Variants in FAM110B observed in about 807,000 individuals in gnomAD.
The protein encoded by FAM110B is protein FAM110B.
A neutral mutation model predicts 20.4 loss-of-function variants in FAM110B; 6 were observed. The ratio of observed to expected loss-of-function variants is 0.29; its 90% CI spans 0.16 to 0.58. The LOEUF is 0.58. FAM110B is among the 20% of genes least tolerant of loss of function. The pLI is 0.90. For synonymous variants in FAM110B, 226 were observed against 214.1 expected, an observed-to-expected ratio of 1.06 and a Z score of -0.49; for missense variants, 434 against 498.2, an observed-to-expected ratio of 0.87 and a Z score of 1.23.
chr8:58,108,889 G>T (rs13263507), intron 3 of FAM110B, among the ~76,000 whole-genome samples: 19,393 of 152,100 alleles, frequency 0.13, 1,360 homozygotes, highest in Middle Eastern at 0.18. Context: ...CTCAACCATG[G>T]TTCCTCCTGT....
intron 1 of FAM110B, among the ~76,000 whole-genome samples, chr8:58,027,450 A>G (rs1804876263): frequency 6.6e-6 from 1 of 151,918 alleles, no homozygotes; most frequent in African/African-American, 2.4e-5. Flanking sequence ...CACTTTTGTG[A>G]GTTACAATGT....
chr8:58,131,410 C>G (rs2150634391), intron 3 of FAM110B, among the ~76,000 whole-genome samples: 1 of 152,272 alleles, frequency 6.6e-6, no homozygotes, highest in Non-Finnish European at 1.5e-5. Context: ...AGGCATGAGC[C>G]ACTGCTCCCA....
chr8:58,012,045 G>C (rs964225999), intron 1 of FAM110B, among the ~76,000 whole-genome samples: 2 of 152,154 alleles, frequency 1.3e-5, no homozygotes, highest in Non-Finnish European at 2.9e-5. Flanking sequence ...TTACTGCCTA[G>C]TGTACTCTGC....
intron 1 of FAM110B, among the ~76,000 whole-genome samples, chr8:58,020,900 A>G (rs1182112444): frequency 7.2e-6 from 1 of 139,828 alleles, no homozygotes; most frequent in Non-Finnish European, 1.5e-5. Context: ...CTCCTGATCT[A>G]GACGAGGCGT....
chr8:58,082,073 G>C (rs1208385241), intron 3 of FAM110B, among the ~76,000 whole-genome samples: 1 of 152,174 alleles, frequency 6.6e-6, no homozygotes, highest in Non-Finnish European at 1.5e-5. Context: ...TGTACAGGGA[G>C]CTGCGAGCAC....
At chr8:58,095,451 T>C (rs914689765) in intron 3 of FAM110B, among the ~76,000 whole-genome samples, 1 of 152,230 alleles carries the variant, frequency 6.6e-6, no homozygotes, top group Non-Finnish European at 1.5e-5. Context: ...TTTTTTCTCA[T>C]TGGTTTCAAA....
intron 3 of FAM110B, among the ~76,000 whole-genome samples, chr8:58,085,384 G>A (rs985734029): frequency 2.0e-5 from 3 of 152,120 alleles, no homozygotes; most frequent in African/African-American, 4.8e-5. Flanking sequence ...GTGGTGGCGG[G>A]TGCCTGTAAT....
intron 1 of FAM110B, among the ~76,000 whole-genome samples, chr8:57,995,307 G>A (rs924157275): frequency 1.3e-5 from 2 of 152,178 alleles, no homozygotes; most frequent in East Asian, 3.9e-4. Flanking sequence ...CTTTATGAGA[G>A]TATCAATACC....
intron 2 of FAM110B, among the ~76,000 whole-genome samples, chr8:58,051,241 C>T (rs1041281997): frequency 1.3e-5 from 2 of 152,080 alleles, no homozygotes; most frequent in South Asian, 2.1e-4. Flanking sequence ...AGGTTAAGAA[C>T]GTGACAAGCT....
chr8:58,047,933 C>T (rs547540031), intron 2 of FAM110B, among the ~76,000 whole-genome samples: 38 of 152,146 alleles, frequency 2.5e-4, no homozygotes, highest in Admixed American at 2.2e-3. Flanking sequence ...TAAACTTTAG[C>T]GTCTTCATCT....
chr8:58,079,791 AAAG>A (rs1301957495), intron 3 of FAM110B, among the ~76,000 whole-genome samples: 1 of 152,208 alleles, frequency 6.6e-6, no homozygotes, highest in Non-Finnish European at 1.5e-5. Flanking sequence ...TTAAAAAAAA[AAAG>A]AGTAATTTGA....
intron 3 of FAM110B, among the ~76,000 whole-genome samples, chr8:58,098,106 A>G (rs918572770): frequency 6.6e-6 from 1 of 152,254 alleles, no homozygotes; most frequent in Non-Finnish European, 1.5e-5. Flanking sequence ...CAGAGCCAGC[A>G]GGCAGGAATG....
chr8:58,133,997 A>G (rs2150636497), intron 3 of FAM110B, among the ~76,000 whole-genome samples: 1 of 152,376 alleles, frequency 6.6e-6, no homozygotes, highest in Non-Finnish European at 1.5e-5. Flanking sequence ...AAATGATTTT[A>G]TGTAAGACAC....
At chr8:58,014,114 T>C (rs1023713605) in intron 1 of FAM110B, among the ~76,000 whole-genome samples, 2 of 152,130 alleles carry the variant, frequency 1.3e-5, no homozygotes, top group African/African-American at 2.4e-5. Context: ...GCGTAACCCA[T>C]GTCAGTTCTT....
intron 2 of FAM110B, among the ~76,000 whole-genome samples, chr8:58,056,612 G>A (rs1805551670): frequency 6.6e-6 from 1 of 152,160 alleles, no homozygotes; most frequent in African/African-American, 2.4e-5. Flanking sequence ...CAAACATGAA[G>A]GTTGGATTTG....
At chr8:58,023,294 TG>T (rs1804791662) in intron 1 of FAM110B, among the ~76,000 whole-genome samples, 1 of 152,196 alleles carries the variant, frequency 6.6e-6, no homozygotes, top group South Asian at 2.1e-4. Context: ...TTTAGGTTTT[TG>T]TGAGTTCCTT....
intron 1 of FAM110B, among the ~76,000 whole-genome samples, chr8:58,015,556 G>A (rs1804621161): frequency 6.6e-6 from 1 of 151,810 alleles, no homozygotes; most frequent in African/African-American, 2.4e-5. Context: ...TCTTGAAAAG[G>A]CATGAGGGGC....
rs910976985 is a variant in FAM110B, at chr8:58,146,229, C to T, written c.-2C>T. ...ACGGCTGCCGGGGAAAGACCGCCCA[C>T]CATGCCCACGGAGACCCTACAGACA... On this transcript the variant is annotated 5_prime_UTR_variant, in exon 4 of 4. Transcript: ENST00000519262. 1 of 1,588,890 alleles carries T rather than the reference C, an allele frequency of 6.3e-7. No individual in the cohort carries two copies. Among genetic ancestry groups the T allele is most frequent in the African/African-American group, 1.3e-5 (1 of 74,404 alleles).
chr8:58,034,640 A>G (rs533405806), intron 2 of FAM110B, among the ~76,000 whole-genome samples: 2 of 152,224 alleles, frequency 1.3e-5, no homozygotes, highest in East Asian at 3.9e-4. Flanking sequence ...AGATCATAGG[A>G]TTGTTGTTAG....
Sources: gnomAD v4.1 joint callset for allele counts (sites outside exome capture counted in the v4.1 genomes callset) on GRCh38, gnomAD v4.1.1 for gene constraint, MANE v1.5 for transcripts, NCBI Gene and HGNC (gene_info 2026-07-23, HGNC 2026-07-21) for gene names.